Variants in SERPINC1 observed in about 807,000 individuals in gnomAD.
SERPINC1 encodes the protein serpin family C member 1.
In SERPINC1, 12 loss-of-function variants were observed where a neutral mutation model predicts 43.4. The observed-to-expected ratio is 0.28, with a 90% CI of 0.18 to 0.45. SERPINC1 has a LOEUF of 0.45. SERPINC1 is among the 20% of genes least tolerant of loss of function. SERPINC1 has a pLI of 1.00. For missense variants in SERPINC1, 423 were observed against 578.8 expected (o/e 0.73, Z 2.76); for synonymous variants, 210 against 218.9 (o/e 0.96, Z 0.36).
In SERPINC1 at chr1:173,911,576, A is replaced by G. The variant is rs1484479774; in HGVS notation, c.624+223T>C. Among the ~76,000 whole-genome samples the G allele has an allele frequency of 2.6e-5, 4 of 152,246 alleles. No homozygotes were observed. The East Asian group carries it at 7.7e-4, about 29-fold the overall frequency. ...TGGTGGATGGAATGAAGAATTGATT[A>G]TTAATTCATGTTTTCTGGGCAGTCA... On this transcript the variant is annotated intron_variant, in intron 3 of 6. Transcript: ENST00000367698.
intron 2 of SERPINC1, among the ~76,000 whole-genome samples, chr1:173,914,071 C>CAAA: frequency 7.6e-6 from 1 of 130,744 alleles, no homozygotes; most frequent in African/African-American, 3.7e-5. Context: ...GAGCGAGATT[C>CAAA]CATCTCAAAA....
chr1:173,906,461 T>C (rs1657515411), intron 6 of SERPINC1, among the ~76,000 whole-genome samples: 1 of 152,200 alleles, frequency 6.6e-6, no homozygotes. Context: ...TTTGACCACC[T>C]TTTCGTTTCC....
chr1:173,916,415 G>A (rs934131195), intron 1 of SERPINC1, among the ~76,000 whole-genome samples: 3 of 152,204 alleles, frequency 2.0e-5, no homozygotes, highest in East Asian at 1.9e-4. Context: ...GCCTTCTTGC[G>A]TGGTCTGAGT....
At chr1:173,907,611 T>G in intron 5 of SERPINC1, 97 bp from the exon 6 acceptor site, 1 of 852,876 alleles carries the variant, frequency 1.2e-6, no homozygotes, top group African/African-American at 1.7e-5. Context: ...CCTTTGGGGC[T>G]TTTTGAAACA....
At chr1:173,907,715 C>G (rs1477182214) in intron 5 of SERPINC1, among the ~76,000 whole-genome samples, 2 of 152,118 alleles carry the variant, frequency 1.3e-5, no homozygotes, top group Admixed American at 1.3e-4. Flanking sequence ...TGCAGTGGCT[C>G]ACACCTGTAA....
At chr1:173,904,329 A>T (rs1657393102) in intron 6 of SERPINC1, among the ~76,000 whole-genome samples, 2 of 152,214 alleles carry the variant, frequency 1.3e-5, no homozygotes, top group Admixed American at 6.5e-5. Context: ...CTGAATGTAC[A>T]CAGGTTATCA....
In SERPINC1 at chr1:173,917,245, C is replaced by G. The variant is rs778745435; in HGVS notation, c.15G>C (p.Val5=). 14 of 1,614,034 alleles carry G rather than the reference C, an allele frequency of 8.7e-6. No homozygotes were observed. The South Asian group carries it at 1.4e-4, about 16-fold the overall frequency. ...TTTTTCCAGAGGTTACAGTTCCTAT[C>G]ACATTGGAATACATGGCCGCTAATC... MYSN[V]IGTVTSGKRK... Residue 5 remains valine, a synonymous_variant, in exon 1 of 7, where the codon GTG becomes GTC. Coordinates refer to ENST00000367698, the MANE Select transcript of SERPINC1 (RefSeq NM_000488.4).
intron 2 of SERPINC1, among the ~76,000 whole-genome samples, chr1:173,913,148 T>G (rs547319213): frequency 2.3e-4 from 35 of 152,274 alleles, no homozygotes; most frequent in Non-Finnish European, 3.7e-4. Context: ...AAGCACCGTA[T>G]ACCATCTTGA....
At chr1:173,908,518 A>C (rs1394423571) in intron 5 of SERPINC1, among the ~76,000 whole-genome samples, 4 of 150,398 alleles carry the variant, frequency 2.7e-5, no homozygotes, top group African/African-American at 9.8e-5. Flanking sequence ...AAAAAGGTCA[A>C]TAAAGATAAA....
At chr1:173,909,448 G>T in intron 5 of SERPINC1, 104 bp downstream of exon 5, 1 of 1,166,598 alleles carries the variant, frequency 8.6e-7, no homozygotes, top group Non-Finnish European at 1.3e-6. Context: ...TCAGTATCCA[G>T]GAGTCCTGAC....
In SERPINC1 at chr1:173,909,747, G is replaced by A. The variant is rs776791729; in HGVS notation, c.958C>T (p.Pro320Ser). 6.2e-7 allele frequency: 1 copy of A among 1,614,144 alleles called. No homozygotes were observed. The highest frequency in any genetic ancestry group is 8.5e-7 in the Non-Finnish European group (1 of 1,179,990). Residue 320 changes from proline (P) to serine (S), a missense_variant, in exon 5 of 7, where the codon CCT becomes TCT. Coordinates refer to ENST00000367698, the MANE Select transcript of SERPINC1 (RefSeq NM_000488.4). ...DITMVLILPKPEKSLAKVEKE... is the reference protein window; with the variant it reads ...DITMVLILPKSEKSLAKVEKE... ...TCTACCTTGGCCAGGCTCTTCTCAG[G>A]CTTGGGCAAGATGAGGACCATGGTG...
intron 3 of SERPINC1, among the ~76,000 whole-genome samples, chr1:173,911,142 G>A (rs919263368): frequency 3.3e-5 from 5 of 152,190 alleles, no homozygotes; most frequent in Non-Finnish European, 7.3e-5. Context: ...TGAAAAGAAG[G>A]AAGGCGAAAA....
intron 5 of SERPINC1, among the ~76,000 whole-genome samples, chr1:173,909,237 T>G (rs889858772): frequency 1.3e-5 from 2 of 152,180 alleles, no homozygotes; most frequent in African/African-American, 4.8e-5. Flanking sequence ...GCTCTTAATA[T>G]CTGTCTCTTT....
chr1:173,909,970 C>T (rs763400529), intron 4 of SERPINC1, 28 bp from the exon 5 acceptor site: 1 of 1,611,500 alleles, frequency 6.2e-7, no homozygotes, highest in Non-Finnish European at 8.5e-7. Context: ...AGTAAGAACA[C>T]AAACATTCAT....
intron 1 of SERPINC1, among the ~76,000 whole-genome samples, chr1:173,916,500 G>A (rs1272848528): frequency 1.3e-5 from 2 of 152,224 alleles, no homozygotes; most frequent in African/African-American, 4.8e-5. Flanking sequence ...GATGTGGAAG[G>A]CAGGCTGAAG....
chr1:173,912,996 T>C (rs1657834753), intron 2 of SERPINC1, among the ~76,000 whole-genome samples: 1 of 152,212 alleles, frequency 6.6e-6, no homozygotes, highest in South Asian at 2.1e-4. Context: ...TTTTTAAATC[T>C]ACAATTTCTT....
chr1:173,911,741 C>T, intron 3 of SERPINC1, 58 bp downstream of exon 3: 1 of 1,367,824 alleles, frequency 7.3e-7, no homozygotes, highest in Non-Finnish European at 1.0e-6. Flanking sequence ...TCTCCACCTC[C>T]TCAATCTCTG....
At chr1:173,910,656 GC>G in intron 4 of SERPINC1, 97 bp downstream of exon 4, 2 of 1,119,594 alleles carry the variant, frequency 1.8e-6, no homozygotes, top group South Asian at 1.3e-5. Context: ...CAGTCCATTT[GC>G]CCTCTCAGGG....
At chr1:173,911,448 G>C (rs1462553813) in intron 3 of SERPINC1, among the ~76,000 whole-genome samples, 1 of 152,194 alleles carries the variant, frequency 6.6e-6, no homozygotes, top group Non-Finnish European at 1.5e-5. Flanking sequence ...AATGTAACAT[G>C]CATCATGTAC....
Sources: gnomAD v4.1 joint callset for allele counts (sites outside exome capture counted in the v4.1 genomes callset) on GRCh38, gnomAD v4.1.1 for gene constraint, MANE v1.5 for transcripts, NCBI Gene and HGNC (gene_info 2026-07-23, HGNC 2026-07-21) for gene names.